ABCC12: variants seen among roughly 807,000 people sequenced by gnomAD.
The protein encoded by ABCC12 is ATP binding cassette subfamily C member 12.
Under a neutral mutation model 151.1 loss-of-function variants are expected in ABCC12, and 142 were observed. That is an observed-to-expected ratio of 0.94 (90% confidence interval 0.82 to 1.08). The LOEUF (loss-of-function observed/expected upper bound fraction) is 1.08, where lower values mean the gene tolerates loss of function less well. ABCC12 is among the 50% of genes least tolerant of loss of function. The pLI, the probability that ABCC12 is intolerant of heterozygous loss-of-function variation, is 0.00. For synonymous variants in ABCC12, 645 were observed against 646.4 expected (o/e 1.00, Z 0.03); for missense variants, 1,638 against 1,691.1 (o/e 0.97, Z 0.55).
chr16:48,092,632 G>A (rs751369546), intron 24 of ABCC12, among the ~76,000 whole-genome samples: 2 of 152,148 alleles, frequency 1.3e-5, no homozygotes, highest in African/African-American at 2.4e-5. Flanking sequence ...TTGGGGTGCC[G>A]GTTTCCAGAG....
intron 2 of ABCC12, among the ~76,000 whole-genome samples, chr16:48,147,958 T>A (rs1411100239): frequency 1.3e-5 from 2 of 152,110 alleles, no homozygotes; most frequent in Non-Finnish European, 2.9e-5. Context: ...GTTATTGTGG[T>A]TGTTGTGGAG....
In ABCC12 at chr16:48,096,751, TGATGTATGACAATGACAG is replaced by T. The variant is rs1234547420; in HGVS notation, c.3172_3189del (p.Leu1058_Ile1063del). The T allele has an allele frequency of 6.2e-7, 1 of 1,613,790 alleles. No individual in the cohort carries two copies. Among genetic ancestry groups the T allele is most frequent in the African/African-American group, 1.3e-5 (1 of 74,882 alleles). Reference sequence around the variant, plus strand: ...AACTTTGCACCAGGCATTACCTGGATGATGTATGACAATGACAGGCCTTTGGATGAAGTACTGATGGAG... The same window carrying T: ...AACTTTGCACCAGGCATTACCTGGATGCCTTTGGATGAAGTACTGATGGAG... On this transcript the variant is annotated inframe_deletion, in exon 24 of 31. Transcript: ENST00000311303.
rs747533165 is a variant in ABCC12, at chr16:48,088,549, A to G, written c.3471T>C (p.Gly1157=). The G allele has an allele frequency of 2.5e-6, 4 of 1,613,626 alleles. No homozygotes were observed. Among genetic ancestry groups the G allele is most frequent in the Non-Finnish European group, 3.4e-6 (4 of 1,179,796 alleles). The part of the protein sequence containing the change: ...GQTVGIVGRT[G]SGKSSLGMAL... Reference sequence around the variant, plus strand: ...AAAAGCAGAGCTTGTCCTCACCGGAACCTGTTCTTCCAACAATCCCGACTG... The same window carrying G: ...AAAAGCAGAGCTTGTCCTCACCGGAGCCTGTTCTTCCAACAATCCCGACTG... Residue 1157 remains glycine, a synonymous_variant, in exon 26 of 31, where the codon GGT becomes GGC. Coordinates refer to ENST00000311303, the MANE Select transcript of ABCC12 (RefSeq NM_001393797.1).
intron 15 of ABCC12, 132 bp from the exon 16 acceptor site, chr16:48,112,042 G>A: frequency 1.7e-6 from 2 of 1,164,072 alleles, no homozygotes; most frequent in South Asian, 1.6e-5. Flanking sequence ...GCTGTCCTGT[G>A]CATTGTAGGA....
At position 48,082,032 on chromosome 16, in the gene ABCC12, T is replaced by C. The variant is rs1178625772; in HGVS notation, c.*1683A>G. On this transcript the variant is annotated 3_prime_UTR_variant, in exon 31 of 31. Transcript: ENST00000311303. Reference sequence around the variant, plus strand: ...AGCTGGGAGCAGCTGCTCAGAACGCTGTGGATGTGGGTTTAATGACCTTCA... The same window carrying C: ...AGCTGGGAGCAGCTGCTCAGAACGCCGTGGATGTGGGTTTAATGACCTTCA... 1.3e-5 allele frequency among the ~76,000 whole-genome samples: 2 copies of C among 152,182 alleles called. No homozygotes were observed. Among genetic ancestry groups the C allele is most frequent in the Admixed American group, 6.5e-5 (1 of 15,286 alleles).
chr16:48,145,235 C>T (rs1299765310), intron 3 of ABCC12, among the ~76,000 whole-genome samples: 3 of 152,212 alleles, frequency 2.0e-5, no homozygotes, highest in African/African-American at 4.8e-5. Context: ...GAAGATAACG[C>T]AGTGTCCGCT....
chr16:48,100,246 C>T (rs1681256661), intron 23 of ABCC12, among the ~76,000 whole-genome samples: 1 of 152,170 alleles, frequency 6.6e-6, no homozygotes, highest in African/African-American at 2.4e-5. Context: ...AGGCGTGAGC[C>T]ACCGCGCCCA....
chr16:48,117,329 G>C lies in ABCC12; in HGVS notation c.1717C>G (p.Gln573Glu), dbSNP rs1431606844. ...AGGCCACAGACGCGGACTGTGTGCT[G>C]ATACCTGTTGGTGCAAAGCTCAGAA... Reference protein sequence around the residue: ...FGEKYDHQRYQHTVRVCGLQK... With the variant: ...FGEKYDHQRYEHTVRVCGLQK... Residue 573 changes from glutamine (Q) to glutamate (E), a missense_variant, in exon 14 of 31, where the codon CAG becomes GAG. Gln to Glu is a conservative substitution (Grantham distance 29). Transcript: ENST00000311303. The C allele has an allele frequency of 6.2e-7, 1 of 1,613,494 alleles. No individual in the cohort carries two copies. Among genetic ancestry groups the C allele is most frequent in the Admixed American group, 1.7e-5 (1 of 59,964 alleles).
At chr16:48,106,526 C>T (rs1247211436) in intron 20 of ABCC12, among the ~76,000 whole-genome samples, 3 of 152,194 alleles carry the variant, frequency 2.0e-5, no homozygotes, top group East Asian at 3.8e-4. Flanking sequence ...CAGGGCTCTT[C>T]GTGAGTGAGG....
chr16:48,124,390 C>T, intron 11 of ABCC12, 106 bp from the exon 12 acceptor site: 2 of 1,076,698 alleles, frequency 1.9e-6, no homozygotes, highest in Non-Finnish European at 2.9e-6. Flanking sequence ...AGGCGGAGAA[C>T]AAGGGGTCAC....
Position 48,088,553 on chromosome 16 carries a change from G to C in ABCC12, c.3467C>G (p.Thr1156Arg). The change falls in exon 26 of 31, where the codon ACA becomes AGA. Residue 1156 changes from threonine to arginine, a missense_variant. Transcript: ENST00000311303. ...GCAGAGCTTGTCCTCACCGGAACCT[G>C]TTCTTCCAACAATCCCGACTGTCTG... ...SGQTVGIVGR[T>R]GSGKSSLGMA... The C allele has an allele frequency of 6.2e-7, 1 of 1,613,690 alleles. No homozygotes were observed. The highest frequency in any genetic ancestry group is 8.5e-7 in the Non-Finnish European group (1 of 1,179,812).
rs940222843 is a variant in ABCC12 at position 48,128,799 on chromosome 16, T to C, written c.1237-62A>G. The stretch of plus-strand genomic sequence containing the variant: ...CATCCATTTGCAAGAATCATCCCAA[T>C]GTATCTTCTAATGACCCCAAATCAC... On this transcript the variant is annotated intron_variant, in intron 10 of 30. Coordinates refer to ENST00000311303, the MANE Select transcript of ABCC12 (RefSeq NM_001393797.1). 90 of 1,556,742 alleles carry C rather than the reference T, an allele frequency of 5.8e-5. 2 individuals carry two copies. In the South Asian group the frequency reaches 9.3e-4, roughly 16 times the overall value.
chr16:48,144,307 A>G lies in ABCC12; in HGVS notation c.120-242T>C, dbSNP rs187538953. Among the ~76,000 whole-genome samples the G allele has an allele frequency of 1.1e-3, 163 of 152,372 alleles. 5 individuals carry two copies. Among genetic ancestry groups the G allele is most frequent in the Non-Finnish European group, 8.8e-5 (6 of 68,036 alleles). On this transcript the variant is annotated intron_variant, in intron 3 of 30. Coordinates refer to ENST00000311303, the MANE Select transcript of ABCC12 (RefSeq NM_001393797.1). ...AAACACAGTCAATATTCAAAATTAAATTACCTAAGTTTTAATAAATTGTCT... is the reference window on the plus strand; with the variant it reads ...AAACACAGTCAATATTCAAAATTAAGTTACCTAAGTTTTAATAAATTGTCT...
In ABCC12 at chr16:48,082,869, G is replaced by A. The variant is rs1962402314; in HGVS notation, c.*846C>T. 1 of 152,184 alleles carries A rather than the reference G, an allele frequency of 6.6e-6. No individual in the cohort carries two copies. The highest frequency in any genetic ancestry group is 2.4e-5 in the African/African-American group (1 of 41,426). 9.4% of individuals were successfully genotyped at this position (152,184 alleles called of 1,614,324 possible). A position where few individuals can be genotyped will look rare whatever the true frequency, so the allele number is the denominator to read the frequency against. On this transcript the variant is annotated 3_prime_UTR_variant, in exon 31 of 31. Transcript: ENST00000311303. ...AGCAGCGCTCACTCCTGGGGCTGCT[G>A]GGAATACATCTTTACTGCTTCCATC...
At chr16:48,116,624 C>A (rs899134691) in intron 14 of ABCC12, among the ~76,000 whole-genome samples, 16 of 152,118 alleles carry the variant, frequency 1.1e-4, no homozygotes, top group African/African-American at 3.6e-4. Flanking sequence ...GAAGGCTTCA[C>A]GGCCACTTCC....
intron 25 of ABCC12, among the ~76,000 whole-genome samples, chr16:48,089,065 G>A (rs187226052): frequency 6.6e-6 from 1 of 152,330 alleles, no homozygotes; most frequent in Admixed American, 6.5e-5. Flanking sequence ...CTGGAGTGCT[G>A]GGAGGATGTC....
rs1965043417 is a variant in ABCC12 at position 48,147,596 on chromosome 16, A to G, written c.-50-1122T>C. On this transcript the variant is annotated intron_variant, in intron 2 of 30. Coordinates refer to ENST00000311303, the MANE Select transcript of ABCC12 (RefSeq NM_001393797.1). ...CTTTTACACATTTCTCATTATACAG[A>G]AGAGGAAACAAAGGCCCAGAGAGAG... Among the ~76,000 whole-genome samples the G allele has an allele frequency of 2.6e-5, 4 of 152,284 alleles. No homozygotes were observed. The South Asian group carries it at 8.3e-4, about 32-fold the overall frequency.
intron 15 of ABCC12, among the ~76,000 whole-genome samples, chr16:48,112,779 G>A (rs560683300): frequency 6.6e-6 from 1 of 152,020 alleles, no homozygotes; most frequent in South Asian, 2.1e-4. Context: ...CCACGGTGTG[G>A]TCTCCAGGCA....
chr16:48,133,818 T>C lies in ABCC12; in HGVS notation c.997A>G (p.Arg333Gly). 6.2e-7 allele frequency: 1 copy of C among 1,614,188 alleles called. No individual in the cohort carries two copies. The highest frequency in any genetic ancestry group is 1.3e-5 in the African/African-American group (1 of 75,060). Reference sequence around the variant, plus strand: ...AATCCAGCTTTTTCCAGTAATTTTCTTTCCCTCCTTCTTATATCTGCAAAA... The same window carrying C: ...AATCCAGCTTTTTCCAGTAATTTTCCTTCCCTCCTTCTTATATCTGCAAAA... ...NTIQDIRRRE[R>G]KLLEKAGFVQ... Residue 333 changes from arginine to glycine, a missense_variant, in exon 9 of 31, where the codon AGA becomes GGA. By Grantham distance (125) the Arg-to-Gly change is moderately radical. Coordinates refer to ENST00000311303, the MANE Select transcript of ABCC12 (RefSeq NM_001393797.1).
Sources: gnomAD v4.1 joint callset for allele counts (sites outside exome capture counted in the v4.1 genomes callset) on GRCh38, gnomAD v4.1.1 for gene constraint, MANE v1.5 for transcripts, NCBI Gene and HGNC (gene_info 2026-07-23, HGNC 2026-07-21) for gene names.